The following PTPRT variants were observed in gnomAD, a reference collection of about 807,000 sequenced individuals.
PTPRT encodes protein tyrosine phosphatase receptor type T, also known as receptor-type tyrosine-protein phosphatase T.
In PTPRT, 56 loss-of-function variants were observed where a neutral mutation model predicts 176.8. That is an observed-to-expected ratio of 0.32 (90% CI 0.26 to 0.40). PTPRT has a LOEUF of 0.40. Among genes scored for constraint, PTPRT ranks in the 10% least tolerant of loss-of-function variants. PTPRT has a pLI of 1.00. For synonymous variants in PTPRT, 783 were observed against 739.0 expected (o/e 1.06, Z -0.96); for missense variants, 1,540 against 1,908.2 (o/e 0.81, Z 3.60).
Position 42,817,603 on chromosome 20 carries a change from T to C in PTPRT, c.215-26137A>G, listed in dbSNP as rs529633429. 3.3e-5 allele frequency among the ~76,000 whole-genome samples: 5 copies of C among 152,324 alleles called. No individual in the cohort carries two copies. The South Asian group carries it at 1.0e-3, about 32-fold the overall frequency. On this transcript the variant is annotated intron_variant, in intron 2 of 30. Transcript: ENST00000373187. ...CAGCAGGATGAGGTGAGAAAAACAA[T>C]CTCTAATCCATTGTTGCGGAAGAGG...
intron 13 of PTPRT, among the ~76,000 whole-genome samples, chr20:42,251,088 G>T (rs1029252751): frequency 6.6e-6 from 1 of 152,220 alleles, no homozygotes; most frequent in African/African-American, 2.4e-5. Context: ...CCACAATGTA[G>T]CAAGCATAAA....
chr20:42,994,127 T>C (rs985707214), intron 1 of PTPRT, among the ~76,000 whole-genome samples: 3 of 152,198 alleles, frequency 2.0e-5, no homozygotes, highest in African/African-American at 7.2e-5. Context: ...TCCACTCCCA[T>C]TTCATTGATC....
intron 7 of PTPRT, among the ~76,000 whole-genome samples, chr20:42,558,753 A>G (rs2072902952): frequency 6.6e-6 from 1 of 152,056 alleles, no homozygotes; most frequent in Non-Finnish European, 1.5e-5. Flanking sequence ...CGAATATTGC[A>G]CTGATGTAAC....
chr20:42,520,979 ACTAT>A (rs1193813000), intron 7 of PTPRT, among the ~76,000 whole-genome samples: 7 of 151,540 alleles, frequency 4.6e-5, no homozygotes, highest in Admixed American at 2.0e-4. Context: ...TACATATGTG[ACTAT>A]CTGTCTGTCT....
chr20:43,181,954 G>A (rs2015269190), intron 1 of PTPRT, among the ~76,000 whole-genome samples: 1 of 152,110 alleles, frequency 6.6e-6, no homozygotes, highest in Non-Finnish European at 1.5e-5. Context: ...TCACTTAAGG[G>A]GGACACGCAC....
At chr20:43,065,244 T>C (rs960897848) in intron 1 of PTPRT, among the ~76,000 whole-genome samples, 13 of 152,210 alleles carry the variant, frequency 8.5e-5, no homozygotes, top group African/African-American at 2.7e-4. Context: ...CCAATATAGA[T>C]TCACAGATCT....
chr20:42,528,481 A>G (rs755554048), intron 7 of PTPRT, among the ~76,000 whole-genome samples: 9 of 152,136 alleles, frequency 5.9e-5, no homozygotes, highest in Non-Finnish European at 8.8e-5. Context: ...GAATAGTTCA[A>G]TATTTCATGT....
intron 1 of PTPRT, among the ~76,000 whole-genome samples, chr20:42,978,157 C>G (rs1322868846): frequency 1.3e-5 from 2 of 152,180 alleles, no homozygotes; most frequent in African/African-American, 4.8e-5. Context: ...CCTGAACATA[C>G]ATATTAATAT....
intron 7 of PTPRT, among the ~76,000 whole-genome samples, chr20:42,621,664 A>G (rs2074199546): frequency 6.6e-6 from 1 of 151,970 alleles, no homozygotes; most frequent in African/African-American, 2.4e-5. Flanking sequence ...TAGATGTTCA[A>G]TGGTTGCATT....
At chr20:42,105,280 C>A (rs895258134) in intron 24 of PTPRT, among the ~76,000 whole-genome samples, 2 of 152,166 alleles carry the variant, frequency 1.3e-5, no homozygotes, top group African/African-American at 4.8e-5. Flanking sequence ...TCCTTCCCTG[C>A]TCTGCCTCAC....
intron 7 of PTPRT, among the ~76,000 whole-genome samples, chr20:42,474,690 C>T (rs1258305144): frequency 6.6e-6 from 1 of 152,160 alleles, no homozygotes; most frequent in African/African-American, 2.4e-5. Flanking sequence ...CGGCTGCTGG[C>T]TAAACATCTC....
intron 12 of PTPRT, among the ~76,000 whole-genome samples, chr20:42,298,872 A>G (rs1037514643): frequency 6.6e-6 from 1 of 152,132 alleles, no homozygotes; most frequent in African/African-American, 2.4e-5. Flanking sequence ...AGTTGAGCCA[A>G]GATCATGCCA....
intron 7 of PTPRT, among the ~76,000 whole-genome samples, chr20:42,619,273 C>G (rs1600483080): frequency 7.2e-6 from 1 of 138,088 alleles, no homozygotes; most frequent in African/African-American, 3.1e-5. Flanking sequence ...TTGGCCCCCA[C>G]TCTCTTCTGG....
At chr20:42,973,878 T>C (rs1288319892) in intron 1 of PTPRT, among the ~76,000 whole-genome samples, 1 of 152,220 alleles carries the variant, frequency 6.6e-6, no homozygotes, top group African/African-American at 2.4e-5. Flanking sequence ...AAACTGAGTA[T>C]AGTTTCCAGG....
intron 6 of PTPRT, among the ~76,000 whole-genome samples, chr20:42,736,734 G>C (rs1445284672): frequency 1.1e-4 from 17 of 152,212 alleles, no homozygotes. Context: ...ATGCCCTTCT[G>C]TGGGCAATAG....
intron 16 of PTPRT, among the ~76,000 whole-genome samples, chr20:42,178,755 C>T (rs1348106483): frequency 6.6e-6 from 1 of 152,152 alleles, no homozygotes; most frequent in Non-Finnish European, 1.5e-5. Flanking sequence ...TAACTGATTT[C>T]ATAATCACTG....
chr20:42,843,920 T>C (rs574914195), intron 2 of PTPRT, among the ~76,000 whole-genome samples: 1 of 152,324 alleles, frequency 6.6e-6, no homozygotes, highest in African/African-American at 2.4e-5. Flanking sequence ...TGCGAGTGTG[T>C]TGCATGGAAA....
At chr20:42,658,170 C>A (rs1435970754) in intron 7 of PTPRT, among the ~76,000 whole-genome samples, 1 of 152,080 alleles carries the variant, frequency 6.6e-6, no homozygotes, top group Admixed American at 6.6e-5. Context: ...TTCCTGTGAG[C>A]CTCTGCTCAC....
intron 2 of PTPRT, among the ~76,000 whole-genome samples, chr20:42,842,015 T>C (rs942742885): frequency 6.7e-6 from 1 of 150,336 alleles, no homozygotes; most frequent in Admixed American, 6.7e-5. Context: ...ACCACGTTCA[T>C]TCTAATCATC....
Sources: gnomAD v4.1 joint callset for allele counts (sites outside exome capture counted in the v4.1 genomes callset) on GRCh38, gnomAD v4.1.1 for gene constraint, MANE v1.5 for transcripts, NCBI Gene and HGNC (gene_info 2026-07-23, HGNC 2026-07-21) for gene names.